CCNJ: variants seen among roughly 807,000 people sequenced by gnomAD.
CCNJ encodes the protein cyclin J.
Under a neutral mutation model 41.4 loss-of-function variants are expected in CCNJ, and 12 were observed. That is an observed-to-expected ratio of 0.29 (90% CI 0.19 to 0.47). The LOEUF (loss-of-function observed/expected upper bound fraction) is 0.47. Ranked by LOEUF, CCNJ falls within the 20% of genes least tolerant of loss-of-function variation. CCNJ has a pLI of 1.00. For missense variants in CCNJ, 340 were observed against 464.6 expected (o/e 0.73, Z 2.47); for synonymous variants, 161 against 173.4 (o/e 0.93, Z 0.56).
chr10:96,049,343 A>G (rs2142038886), intron 2 of CCNJ, among the ~76,000 whole-genome samples: 1 of 152,072 alleles, frequency 6.6e-6, no homozygotes, highest in South Asian at 2.1e-4. Context: ...TAATCTAGCT[A>G]TTTACCCCTT....
chr10:96,043,102 C>A (rs1055929320), upstream of CCNJ, among the ~76,000 whole-genome samples: 1 of 152,140 alleles, frequency 6.6e-6, no homozygotes, highest in Non-Finnish European at 1.5e-5. Context: ...CGGAGCAGCC[C>A]CTGGGATGGA....
In CCNJ at chr10:96,057,738, A is replaced by G. The variant is rs1469496157; in HGVS notation, c.741-92A>G. Reference sequence around the variant, plus strand: ...CTGCTACCTGGGTAGTGGTGGTGGAAGAAGCTGTTGAGTTGGGGATGGGGC... The same window carrying G: ...CTGCTACCTGGGTAGTGGTGGTGGAGGAAGCTGTTGAGTTGGGGATGGGGC... On this transcript the variant is annotated intron_variant, in intron 5 of 5. Transcript: ENST00000465148. The G allele has an allele frequency of 5.2e-6, 6 of 1,147,800 alleles. No individual in the cohort carries two copies. The Admixed American group carries it at 6.5e-5, about 12-fold the overall frequency. The allele number at this position is 1,147,800 out of a possible 1,614,324, so 71.1% of individuals were successfully genotyped here. A position where few individuals can be genotyped will look rare whatever the true frequency, so the allele number is the denominator to read the frequency against.
chr10:96,043,588 T>G lies in CCNJ; in HGVS notation c.-173T>G, dbSNP rs1437911855. The G allele has an allele frequency of 2.5e-6, 1 of 394,772 alleles. No individual in the cohort carries two copies. The highest frequency in any genetic ancestry group is 4.5e-6 in the Non-Finnish European group (1 of 223,578). The allele number at this position is 394,772 out of a possible 1,614,324, so 24.5% of individuals were successfully genotyped here. On this transcript the variant is annotated 5_prime_UTR_variant, in exon 1 of 6. It removes an upstream start codon present in the reference 5' UTR. Coordinates refer to ENST00000465148, the MANE Select transcript of CCNJ (RefSeq NM_001134375.2). ...GAGCCGCCTGCCGGTCCTTTAACAA[T>G]GGGCGGCGCGAGCGTCCAGGCGCTG...
chr10:96,048,767 T>C (rs1258479896), intron 2 of CCNJ, among the ~76,000 whole-genome samples: 4 of 152,252 alleles, frequency 2.6e-5, no homozygotes, highest in African/African-American at 9.6e-5. Flanking sequence ...AAGAATTTTC[T>C]AAGGCTGAAT....
chr10:96,056,438 G>A (rs927666354), intron 3 of CCNJ, among the ~76,000 whole-genome samples: 12 of 151,940 alleles, frequency 7.9e-5, no homozygotes, highest in African/African-American at 2.9e-4. Flanking sequence ...ACTGGCACAT[G>A]ACTATTTCCA....
chr10:96,057,794 G>A (rs2142071778), intron 5 of CCNJ, 36 bp from the exon 6 acceptor site: 1 of 1,581,388 alleles, frequency 6.3e-7, no homozygotes, highest in Middle Eastern at 1.7e-4. Context: ...TTCTCAAGCA[G>A]TATTTTTAAT....
intron 3 of CCNJ, among the ~76,000 whole-genome samples, chr10:96,054,723 C>T (rs963157060): frequency 3.3e-5 from 5 of 152,102 alleles, no homozygotes; most frequent in African/African-American, 1.2e-4. Context: ...ACCTCGCTAC[C>T]TTGGTTTTTG....
intron 2 of CCNJ, among the ~76,000 whole-genome samples, chr10:96,049,504 G>C (rs1564702903): frequency 7.1e-6 from 1 of 140,554 alleles, no homozygotes; most frequent in South Asian, 2.2e-4. Context: ...TTTTTTGCAG[G>C]GTAGGGGAAG....
At chr10:96,047,246 T>G (rs2080388813) in intron 2 of CCNJ, among the ~76,000 whole-genome samples, 1 of 152,162 alleles carries the variant, frequency 6.6e-6, no homozygotes, top group South Asian at 2.1e-4. Context: ...AAAGGTAAAG[T>G]TGCAACTCAC....
In CCNJ at chr10:96,058,603, A is replaced by G. The variant is rs985218452; in HGVS notation, c.*362A>G. ...TGGGCCTAATGTTGGCTTCTAAGTC[A>G]AAGACTAAATGTTTATCTCATCTAT... On this transcript the variant is annotated 3_prime_UTR_variant, in exon 6 of 6. Coordinates refer to ENST00000465148, the MANE Select transcript of CCNJ (RefSeq NM_001134375.2). 98 of 414,824 alleles carry G rather than the reference A, an allele frequency of 2.4e-4. 1 individual carries two copies. Among genetic ancestry groups the G allele is most frequent in the Non-Finnish European group, 4.7e-5 (11 of 234,828 alleles). 25.7% of individuals were successfully genotyped at this position (414,824 alleles called of 1,614,324 possible). A position where few individuals can be genotyped will look rare whatever the true frequency, so the allele number is the denominator to read the frequency against.
rs2080706591 is a variant in CCNJ, at chr10:96,056,696, A to G, written c.281-5A>G. 1.3e-6 allele frequency: 2 copies of G among 1,575,182 alleles called. No homozygotes were observed. The highest frequency in any genetic ancestry group is 1.4e-5 in the African/African-American group (1 of 73,380). On this transcript the variant is annotated splice_polypyrimidine_tract_variant and splice_region_variant and intron_variant, in intron 3 of 5. Coordinates refer to ENST00000465148, the MANE Select transcript of CCNJ (RefSeq NM_001134375.2). ...CTCTCCCCTCCCATCCCCTTTTCTT[A>G]TAAGGTAAATTTGAAGAAAAAGAAG...
rs772662633 is a variant in CCNJ at position 96,058,269 on chromosome 10, G to C, written c.*28G>C. ...ATTTGTGAAGCTGATAACCGACCCA[G>C]ACTGCTTTGTGACATGAAGCTATGG... is the stretch of plus-strand genomic sequence containing the variant. On this transcript the variant is annotated 3_prime_UTR_variant, in exon 6 of 6. Transcript: ENST00000465148. 4.4e-6 allele frequency: 7 copies of C among 1,587,732 alleles called. No individual in the cohort carries two copies. Among genetic ancestry groups the C allele is most frequent in the Non-Finnish European group, 5.2e-6 (6 of 1,164,296 alleles).
At chr10:96,057,587 T>A (rs2080728051) in intron 5 of CCNJ, among the ~76,000 whole-genome samples, 1 of 152,204 alleles carries the variant, frequency 6.6e-6, no homozygotes, top group Non-Finnish European at 1.5e-5. Flanking sequence ...ACTTACGTGC[T>A]TATTATGGAC....
In CCNJ at chr10:96,058,006, C is replaced by T. The variant is rs763695700; in HGVS notation, c.917C>T (p.Ser306Leu). ...TCACTGCAGTATCGCCATCCTACGT[C>T]AGAACAACCAAGCTGTCAGCAGATT... ...QTSLQYRHPT[S>L]EQPSCQQIVS... The change falls in exon 6 of 6, where the codon TCA becomes TTA. Residue 306 changes from serine to leucine, a missense_variant. Ser to Leu is a moderately radical substitution (Grantham distance 145). Around this residue, in one of 3 missense-constraint regions of CCNJ, gnomAD observed 159 missense variants for 168.2 expected, o/e 0.95. Coordinates refer to ENST00000465148, the MANE Select transcript of CCNJ (RefSeq NM_001134375.2). 2 of 1,614,132 alleles carry T rather than the reference C, an allele frequency of 1.2e-6. No individual in the cohort carries two copies. Among genetic ancestry groups the T allele is most frequent in the East Asian group, 2.2e-5 (1 of 44,884 alleles).
rs1591024980 is a variant in CCNJ, at chr10:96,058,335, T to G, written c.*94T>G. The stretch of plus-strand genomic sequence containing the variant: ...ACTTCTGTTCAAAAGGAAAGGGATC[T>G]AAATGACATCAGAACTCTTCAGGTA... On this transcript the variant is annotated 3_prime_UTR_variant, in exon 6 of 6. Coordinates refer to ENST00000465148, the MANE Select transcript of CCNJ (RefSeq NM_001134375.2). The G allele has an allele frequency of 1.9e-6, 2 of 1,044,732 alleles. No individual in the cohort carries two copies. Among genetic ancestry groups the G allele is most frequent in the East Asian group, 4.8e-5 (2 of 41,950 alleles). The allele number at this position is 1,044,732 out of a possible 1,614,324, so 64.7% of individuals were successfully genotyped here.
At chr10:96,052,357 G>C (rs1454158959) in intron 3 of CCNJ, among the ~76,000 whole-genome samples, 1 of 152,184 alleles carries the variant, frequency 6.6e-6, no homozygotes, top group African/African-American at 2.4e-5. Flanking sequence ...GTTTACAGTA[G>C]AGTGTCACTG....
At chr10:96,050,610 C>G in intron 3 of CCNJ, 144 bp downstream of exon 3, 2 of 658,136 alleles carry the variant, frequency 3.0e-6, no homozygotes, top group Non-Finnish European at 2.6e-6. Context: ...AAGTGCTTCT[C>G]AGTGTAATAA....
rs2080779214 is a variant in CCNJ, at chr10:96,059,774, C to A, written c.*1533C>A. The A allele has an allele frequency of 6.6e-6, 1 of 152,534 alleles. No homozygotes were observed. The highest frequency in any genetic ancestry group is 1.5e-5 in the Non-Finnish European group (1 of 68,042). 9.4% of individuals were successfully genotyped at this position (152,534 alleles called of 1,614,324 possible). ...TGTTGTGGGTATGCAGCAGGAGTCT[C>A]AGTAATCAAGCCAATGGCCTTTGTC... is the stretch of plus-strand genomic sequence containing the variant. On this transcript the variant is annotated 3_prime_UTR_variant, in exon 6 of 6. Transcript: ENST00000465148.
chr10:96,043,130 GAAGT>G (rs1490405340), upstream of CCNJ, among the ~76,000 whole-genome samples: 2 of 152,212 alleles, frequency 1.3e-5, no homozygotes, highest in Non-Finnish European at 2.9e-5. Context: ...GGTGCAACGT[GAAGT>G]AAGGTAAACC....
Sources: gnomAD v4.1 joint callset for allele counts (sites outside exome capture counted in the v4.1 genomes callset) on GRCh38, gnomAD v4.1.1 for gene constraint, gnomAD v4.1.1 regional missense constraint, MANE v1.5 for transcripts, NCBI Gene and HGNC (gene_info 2026-07-23, HGNC 2026-07-21) for gene names.